The following KIAA1217 variants were observed in gnomAD, a reference collection of about 807,000 sequenced individuals.
KIAA1217 encodes sickle tail protein homolog.
A neutral mutation model predicts 163.9 loss-of-function variants in KIAA1217; 88 were observed. The observed-to-expected ratio is 0.54, with a 90% confidence interval of 0.45 to 0.64. The LOEUF (loss-of-function observed/expected upper bound fraction) is 0.64. Among genes scored for constraint, KIAA1217 ranks in the 30% least tolerant of loss-of-function variants. The pLI, the probability that KIAA1217 is intolerant of heterozygous loss-of-function variation, is 0.00. For synonymous variants in KIAA1217, 903 were observed against 923.1 expected (o/e 0.98, Z 0.39); for missense variants, 2,372 against 2,475.0 (o/e 0.96, Z 0.88).
At chr10:23,719,135 C>T (rs1323156838) in intron 1 of KIAA1217, among the ~76,000 whole-genome samples, 1 of 152,048 alleles carries the variant, frequency 6.6e-6, no homozygotes, top group Non-Finnish European at 1.5e-5. Context: ...TTGACAATGA[C>T]CAAAAAGTGG....
chr10:23,815,959 G>T (rs1837296660), intron 1 of KIAA1217, among the ~76,000 whole-genome samples: 1 of 152,110 alleles, frequency 6.6e-6, no homozygotes, highest in African/African-American at 2.4e-5. Context: ...TCAGAGAACT[G>T]CTTACAGGAA....
At chr10:23,871,759 C>T (rs1037630936) in intron 1 of KIAA1217, among the ~76,000 whole-genome samples, 8 of 152,056 alleles carry the variant, frequency 5.3e-5, no homozygotes. Flanking sequence ...TAACTGTAAC[C>T]TCAGATTGTT....
chr10:24,354,472 C>T (rs2048835613), intron 2 of KIAA1217, among the ~76,000 whole-genome samples: 1 of 152,228 alleles, frequency 6.6e-6, no homozygotes, highest in Non-Finnish European at 1.5e-5. Context: ...TTTAGCTCTG[C>T]CATCTGCACA....
At chr10:24,024,867 A>C (rs992597185) in intron 2 of KIAA1217, among the ~76,000 whole-genome samples, 3 of 151,694 alleles carry the variant, frequency 2.0e-5, no homozygotes, top group Admixed American at 2.0e-4. Flanking sequence ...TATTTTACTC[A>C]TTTCTAATCA....
At position 24,380,880 on chromosome 10, in the gene KIAA1217, C is replaced by A; in HGVS notation, c.366C>A (p.Pro122=). 1 of 1,531,824 alleles carries A rather than the reference C, an allele frequency of 6.5e-7. No homozygotes were observed. The highest frequency in any genetic ancestry group is 8.8e-7 in the Non-Finnish European group (1 of 1,137,176). The allele number at this position is 1,531,824 out of a possible 1,614,324, so 94.9% of individuals were successfully genotyped here. The part of the protein sequence containing the change: ...QERLRDQTRS[P]KLSHSPQPPS... ...AATGCCTTTTGCAGACAAGGAGCCC[C>A]AAACTGTCTCACAGTCCTCAACCAC... is the stretch of plus-strand genomic sequence containing the variant. The change falls in exon 3 of 21, where the codon CCC becomes CCA. Residue 122 remains proline, a synonymous_variant. Coordinates refer to ENST00000376454, the MANE Select transcript of KIAA1217 (RefSeq NM_019590.5).
chr10:24,185,590 T>G (rs1430940502), intron 2 of KIAA1217, among the ~76,000 whole-genome samples: 2 of 151,702 alleles, frequency 1.3e-5, no homozygotes, highest in African/African-American at 4.8e-5. Context: ...TGGTAAGGAG[T>G]GCGAGACCAG....
At chr10:23,788,102 T>G (rs535789148) in intron 1 of KIAA1217, among the ~76,000 whole-genome samples, 11 of 152,026 alleles carry the variant, frequency 7.2e-5, no homozygotes, top group African/African-American at 2.7e-4. Context: ...GAAGGCTGAG[T>G]TGGGAGAACT....
In KIAA1217 at chr10:24,160,038, T is replaced by A. The variant is rs542223857; in HGVS notation, c.-170-59588T>A. Among the ~76,000 whole-genome samples the A allele has an allele frequency of 2.6e-5, 4 of 152,308 alleles. No individual in the cohort carries two copies. In the South Asian group the frequency reaches 8.3e-4, roughly 32 times the overall value. On this transcript the variant is annotated intron_variant, in intron 2 of 18. Coordinates refer to the KIAA1217 transcript ENST00000376462. ...TATGTAATATTAGTGTGGGTATGTT[T>A]CTGGATTCTCTAGTCTGTCCCATTG... is the stretch of plus-strand genomic sequence containing the variant.
At chr10:24,194,435 C>T (rs2066887073) in intron 2 of KIAA1217, among the ~76,000 whole-genome samples, 1 of 150,040 alleles carries the variant, frequency 6.7e-6, no homozygotes, top group African/African-American at 2.5e-5. Context: ...CATCCTCCCA[C>T]CTTAGCCTCC....
chr10:24,194,309 C>T (rs2066876107), intron 2 of KIAA1217, among the ~76,000 whole-genome samples: 1 of 125,948 alleles, frequency 7.9e-6, no homozygotes. Flanking sequence ...CTCCCCTCCC[C>T]TCCTCTCCCC....
At chr10:24,165,115 G>A (rs764978323) in intron 2 of KIAA1217, among the ~76,000 whole-genome samples, 1 of 152,206 alleles carries the variant, frequency 6.6e-6, no homozygotes, top group African/African-American at 2.4e-5. Flanking sequence ...AAAGAGAAGT[G>A]GCCAGGAAGC....
chr10:23,922,991 T>C (rs1842900774), intron 1 of KIAA1217, among the ~76,000 whole-genome samples: 1 of 152,156 alleles, frequency 6.6e-6, no homozygotes, highest in Non-Finnish European at 1.5e-5. Flanking sequence ...GGTGTTTAGT[T>C]ACATGGATAA....
chr10:24,176,386 T>C (rs542773636), intron 2 of KIAA1217, among the ~76,000 whole-genome samples: 63 of 152,222 alleles, frequency 4.1e-4, no homozygotes, highest in African/African-American at 1.5e-3. Context: ...AGAGCACTGA[T>C]TGGTGCATTT....
chr10:24,021,771 A>C (rs1435763108), intron 2 of KIAA1217, among the ~76,000 whole-genome samples: 2 of 151,894 alleles, frequency 1.3e-5, no homozygotes, highest in Non-Finnish European at 2.9e-5. Flanking sequence ...ACAGTGGAAC[A>C]GAATGAACAG....
At position 23,934,852 on chromosome 10, in the gene KIAA1217, C is replaced by T. The variant is rs1248265417; in HGVS notation, c.-320-72373C>T. Among the ~76,000 whole-genome samples, 6 of 151,352 alleles carry T rather than the reference C, an allele frequency of 4.0e-5. No individual in the cohort carries two copies. In the South Asian group the frequency reaches 8.4e-4, roughly 21 times the overall value. The stretch of plus-strand genomic sequence containing the variant: ...CAGGATGGTCTCGATCTCCTGACCT[C>T]GTGATCCGCCCACCTAGGCCTCCCA... On this transcript the variant is annotated intron_variant, in intron 1 of 18. Coordinates refer to the KIAA1217 transcript ENST00000376462.
In KIAA1217 at chr10:24,465,654, A is replaced by C. The variant is rs992165807; in HGVS notation, c.847-7574A>C. 3.3e-5 allele frequency among the ~76,000 whole-genome samples: 5 copies of C among 152,178 alleles called. 1 individual carries two copies. The highest frequency in any genetic ancestry group is 2.6e-4 in the Admixed American group (4 of 15,290). ...GTAATCAGAGCCTGCCTGGGAGCGCAGGAGATGCTTCCTTTCTCCCCCACC... is the reference window on the plus strand; with the variant it reads ...GTAATCAGAGCCTGCCTGGGAGCGCCGGAGATGCTTCCTTTCTCCCCCACC... On this transcript the variant is annotated intron_variant, in intron 5 of 20. Transcript: ENST00000376454.
At chr10:23,919,775 T>C (rs1842783702) in intron 1 of KIAA1217, among the ~76,000 whole-genome samples, 1 of 152,156 alleles carries the variant, frequency 6.6e-6, no homozygotes, top group African/African-American at 2.4e-5. Flanking sequence ...CCCTATTCTT[T>C]CGGTGCTACC....
chr10:24,502,979 A>C (rs1489528995), intron 9 of KIAA1217, among the ~76,000 whole-genome samples: 2 of 152,086 alleles, frequency 1.3e-5, no homozygotes, highest in Non-Finnish European at 2.9e-5. Flanking sequence ...GACCAAGACT[A>C]TGTCTCAAAA....
At chr10:24,173,253 C>A (rs11013932) in intron 2 of KIAA1217, among the ~76,000 whole-genome samples, 3,188 of 152,210 alleles carry the variant, frequency 0.021, 38 homozygotes, top group Middle Eastern at 0.058. Flanking sequence ...CTGTCACCGT[C>A]CCCTATCACC....
Sources: gnomAD v4.1 joint callset for allele counts (sites outside exome capture counted in the v4.1 genomes callset) on GRCh38, gnomAD v4.1.1 for gene constraint, MANE v1.5 for transcripts, NCBI Gene and HGNC (gene_info 2026-07-23, HGNC 2026-07-21) for gene names.